The following CNTN4 variants were observed in gnomAD, a reference collection of about 807,000 sequenced individuals.
The protein encoded by CNTN4 is contactin-4.
Under a neutral mutation model 122.5 loss-of-function variants are expected in CNTN4, and 77 were observed. The ratio of observed to expected loss-of-function variants is 0.63; its 90% confidence interval spans 0.52 to 0.76. The LOEUF (loss-of-function observed/expected upper bound fraction) is 0.76. CNTN4 is among the 30% of genes least tolerant of loss of function. The pLI, the probability that CNTN4 is intolerant of heterozygous loss-of-function variation, is 0.00. For synonymous variants in CNTN4, 512 were observed against 447.0 expected, an observed-to-expected ratio of 1.15 and a Z score of -1.83; for missense variants, 1,256 against 1,259.1, an observed-to-expected ratio of 1.00 and a Z score of 0.04.
At chr3:2,510,286 G>A (rs192751559) in intron 3 of CNTN4, among the ~76,000 whole-genome samples, 134 of 152,056 alleles carry the variant, frequency 8.8e-4, no homozygotes, top group Middle Eastern at 3.4e-3. Flanking sequence ...CATTGTAAGC[G>A]TTCTCAGAGG....
intron 13 of CNTN4, among the ~76,000 whole-genome samples, chr3:2,943,335 A>G (rs1013497198): frequency 6.6e-6 from 1 of 152,130 alleles, no homozygotes; most frequent in East Asian, 1.9e-4. Flanking sequence ...AGCTATCCCA[A>G]TATAGCATAA....
At chr3:2,760,811 TC>T (rs2090556568) in intron 6 of CNTN4, among the ~76,000 whole-genome samples, 3 of 152,198 alleles carry the variant, frequency 2.0e-5, no homozygotes, top group Non-Finnish European at 4.4e-5. Flanking sequence ...ATCCACTGTT[TC>T]CCCAAATTTG....
intron 3 of CNTN4, among the ~76,000 whole-genome samples, chr3:2,418,191 C>T (rs546822270): frequency 3.3e-5 from 5 of 151,816 alleles, no homozygotes; most frequent in Non-Finnish European, 5.9e-5. Flanking sequence ...ATAAATATAC[C>T]GCTGGTGAGG....
chr3:3,050,288 TC>T (rs1701122608), intron 23 of CNTN4, among the ~76,000 whole-genome samples: 1 of 151,336 alleles, frequency 6.6e-6, no homozygotes, highest in Admixed American at 6.6e-5. Context: ...CATGTCTAAC[TC>T]AAAAAAAATA....
intron 14 of CNTN4, chr3:2,999,139 C>T (rs1695803922): frequency 6.6e-6 from 1 of 152,110 alleles, no homozygotes; most frequent in Non-Finnish European, 1.5e-5. Context: ...ATATCCTTAT[C>T]ACAAAAAGAT....
At chr3:2,516,930 CAAAA>C (rs2077056100) in intron 3 of CNTN4, among the ~76,000 whole-genome samples, 1 of 149,606 alleles carries the variant, frequency 6.7e-6, no homozygotes, top group African/African-American at 2.5e-5. Flanking sequence ...CAAGCAATAA[CAAAA>C]GAAAGAAAGA....
chr3:2,992,429 T>G (rs1048153594), intron 14 of CNTN4, among the ~76,000 whole-genome samples: 2 of 152,206 alleles, frequency 1.3e-5, no homozygotes, highest in African/African-American at 4.8e-5. Flanking sequence ...AATGTGCTTT[T>G]GTGATCATTG....
chr3:2,421,975 T>C (rs1004213843), intron 3 of CNTN4, among the ~76,000 whole-genome samples: 1 of 152,060 alleles, frequency 6.6e-6, no homozygotes, highest in African/African-American at 2.4e-5. Context: ...AAAAAAAAAT[T>C]AGTGTACCTG....
At chr3:2,823,563 G>T (rs990442289) in intron 7 of CNTN4, among the ~76,000 whole-genome samples, 4 of 152,140 alleles carry the variant, frequency 2.6e-5, no homozygotes, top group Non-Finnish European at 5.9e-5. Context: ...AAATCACTTT[G>T]ATGGACTCTG....
At chr3:2,827,172 G>A (rs994939650) in intron 7 of CNTN4, among the ~76,000 whole-genome samples, 3 of 152,150 alleles carry the variant, frequency 2.0e-5, no homozygotes, top group African/African-American at 7.2e-5. Context: ...TCCTCAGGAA[G>A]CAGTCCCTGT....
At chr3:2,305,122 A>C (rs2042657996) in intron 2 of CNTN4, among the ~76,000 whole-genome samples, 1 of 152,028 alleles carries the variant, frequency 6.6e-6, no homozygotes, top group Non-Finnish European at 1.5e-5. Flanking sequence ...ATTGTTTTCA[A>C]ATGTTGACAC....
chr3:2,778,060 A>T (rs531571976), intron 6 of CNTN4, among the ~76,000 whole-genome samples: 5 of 149,786 alleles, frequency 3.3e-5, no homozygotes, highest in Non-Finnish European at 5.9e-5. Flanking sequence ...TAAAAATACA[A>T]AAAATTAGCC....
chr3:2,754,801 A>G (rs1176084216), intron 6 of CNTN4, among the ~76,000 whole-genome samples: 2 of 151,990 alleles, frequency 1.3e-5, no homozygotes, highest in Non-Finnish European at 2.9e-5. Context: ...AACACAATAA[A>G]TCACTCCATT....
chr3:2,792,529 T>C (rs1416855228), intron 6 of CNTN4, among the ~76,000 whole-genome samples: 2 of 152,254 alleles, frequency 1.3e-5, no homozygotes. Context: ...TAATTCTGGC[T>C]GTGAGCTTCC....
chr3:2,609,731 T>C (rs2081402720), intron 4 of CNTN4, among the ~76,000 whole-genome samples: 1 of 152,174 alleles, frequency 6.6e-6, no homozygotes, highest in East Asian at 1.9e-4. Flanking sequence ...CTTTCTAGGG[T>C]AGTTTGGGTA....
chr3:2,307,265 C>G (rs879877970), intron 2 of CNTN4, among the ~76,000 whole-genome samples: 2 of 152,090 alleles, frequency 1.3e-5, no homozygotes, highest in Non-Finnish European at 2.9e-5. Context: ...GAAACCCCGT[C>G]TCTACTAAAA....
In CNTN4 at chr3:2,385,055, A is replaced by G. The variant is rs1224500893; in HGVS notation, c.-89+45822A>G. ...CTTCGCCTCTTACTCTTCCTTCCTA[A>G]CTGGTCTATTCTGGTATTACCCAGA... On this transcript the variant is annotated intron_variant, in intron 3 of 24. Coordinates refer to ENST00000418658, the MANE Select transcript of CNTN4 (RefSeq NM_175607.3). The surrounding 1 kb of genome is among the most constrained non-coding windows in gnomAD (Gnocchi z 4.0). Among the ~76,000 whole-genome samples, 1 of 151,540 alleles carries G rather than the reference A, an allele frequency of 6.6e-6. No homozygotes were observed. The highest frequency in any genetic ancestry group is 1.5e-5 in the Non-Finnish European group (1 of 67,862).
chr3:2,450,358 C>A (rs1280207426), intron 3 of CNTN4, among the ~76,000 whole-genome samples: 5 of 148,108 alleles, frequency 3.4e-5, no homozygotes, highest in African/African-American at 1.2e-4. Flanking sequence ...AGGAGTGAGA[C>A]TCTGTCTCAA....
chr3:2,174,188 G>A (rs772413173), intron 2 of CNTN4, among the ~76,000 whole-genome samples: 7 of 152,148 alleles, frequency 4.6e-5, no homozygotes, highest in Non-Finnish European at 1.0e-4. Context: ...ATCACTTGCT[G>A]TCTTTTCCGT....
Sources: gnomAD v4.1 joint callset for allele counts (sites outside exome capture counted in the v4.1 genomes callset) on GRCh38, gnomAD v4.1.1 for gene constraint, Gnocchi (gnomAD v3.1) non-coding constraint, MANE v1.5 for transcripts, NCBI Gene and HGNC (gene_info 2026-07-23, HGNC 2026-07-21) for gene names.